The following HABP2 variants were observed in gnomAD, a reference collection of about 807,000 sequenced individuals.
The protein encoded by HABP2 is hyaluronan binding protein 2.
A neutral mutation model predicts 66.5 loss-of-function variants in HABP2; 65 were observed. The observed-to-expected ratio is 0.98, with a 90% CI of 0.80 to 1.20. The LOEUF (loss-of-function observed/expected upper bound fraction) is 1.20. HABP2 is among the 50% of genes most tolerant of loss of function. The pLI, the probability that HABP2 is intolerant of heterozygous loss-of-function variation, is 0.00. For missense variants in HABP2, 786 were observed against 691.0 expected, an observed-to-expected ratio of 1.14 and a Z score of -1.54; for synonymous variants, 263 against 253.9, an observed-to-expected ratio of 1.04 and a Z score of -0.34.
intron 2 of HABP2, among the ~76,000 whole-genome samples, chr10:113,571,620 AT>A (rs1301846728): frequency 6.6e-6 from 1 of 152,158 alleles, no homozygotes. Flanking sequence ...GGGGTGGAGA[AT>A]CAAGGGCTAT....
At position 113,580,683 on chromosome 10, in the gene HABP2, T is replaced by A. The variant is rs778647130; in HGVS notation, c.829T>A (p.Ser277Thr). 5.1e-6 allele frequency: 8 copies of A among 1,561,478 alleles called. No individual in the cohort carries two copies. The South Asian group carries it at 7.8e-5, about 15-fold the overall frequency. ...GGAATACTGTGATGTCTCAGCCTGC[T>A]CAGCCCAGGGTAAAGGCCATGGCTG... is the stretch of plus-strand genomic sequence containing the variant. ...KWEYCDVSAC[S>T]AQDVAYPEES... The change falls in exon 8 of 13, where the codon TCA becomes ACA. Residue 277 changes from serine to threonine, a missense_variant. Transcript: ENST00000351270.
rs777792722 is a variant in HABP2 at position 113,581,909 on chromosome 10, C to T, written c.872C>T (p.Pro291Leu). The change falls in exon 9 of 13, where the codon CCA (proline) becomes CTA (leucine). Residue 291 changes from proline to leucine, a missense_variant. Physicochemically the swap from Pro to Leu is moderately conservative, Grantham distance 98. Coordinates refer to ENST00000351270, the MANE Select transcript of HABP2 (RefSeq NM_004132.5). ...VAYPEESPTE[P>L]STKLPGFDSC... ...TACCCAGAGGAAAGCCCCACTGAGC[C>T]ATCAACCAAGCTTCCGGGGTTTGAC... The T allele has an allele frequency of 6.2e-6, 10 of 1,613,994 alleles. No homozygotes were observed. Among genetic ancestry groups the T allele is most frequent in the African/African-American group, 4.0e-5 (3 of 74,944 alleles).
At chr10:113,572,931 C>T (rs113118728) in intron 2 of HABP2, among the ~76,000 whole-genome samples, 7 of 152,140 alleles carry the variant, frequency 4.6e-5, no homozygotes, top group Non-Finnish European at 1.0e-4. Flanking sequence ...GTGCAAAAGT[C>T]GATTTTTCAA....
In HABP2 at chr10:113,583,355, AT is replaced by A; in HGVS notation, c.1236del (p.Ile412MetfsTer6). 1.2e-6 allele frequency: 2 copies of A among 1,612,594 alleles called. No individual in the cohort carries two copies. Among genetic ancestry groups the A allele is most frequent in the Non-Finnish European group, 1.7e-6 (2 of 1,178,600 alleles). On this transcript the variant is annotated frameshift_variant and splice_region_variant, in exon 10 of 13. Coordinates refer to ENST00000351270, the MANE Select transcript of HABP2 (RefSeq NM_004132.5). LOFTEE classifies it high-confidence loss of function. ...AAGAGATGAGATTCCCCACAATGAT[AT>A]TGGCAAGTTCCTCTTTCATGGCTTT... ...NERDEIPHND[I>X]ALLKLKPVDG...
rs570668720 is a variant in HABP2, at chr10:113,580,761, G to A, written c.838+69G>A. Reference sequence around the variant, plus strand: ...GGAGATTTGTAGGGAGATGTCCCTGGCACCTGGTCCCTCCCTCACCCTGTT... The same window carrying A: ...GGAGATTTGTAGGGAGATGTCCCTGACACCTGGTCCCTCCCTCACCCTGTT... On this transcript the variant is annotated intron_variant, in intron 8 of 12. Coordinates refer to ENST00000351270, the MANE Select transcript of HABP2 (RefSeq NM_004132.5). 1.4e-4 allele frequency: 117 copies of A among 812,936 alleles called. No homozygotes were observed. In the African/African-American group the frequency reaches 1.8e-3, roughly 13 times the overall value. The allele number at this position is 812,936 out of a possible 1,614,324, so 50.4% of individuals were successfully genotyped here. A position where few individuals can be genotyped will look rare whatever the true frequency, so the allele number is the denominator to read the frequency against.
intron 1 of HABP2, among the ~76,000 whole-genome samples, chr10:113,558,863 T>A (rs1233351255): frequency 1.3e-5 from 2 of 152,152 alleles, no homozygotes; most frequent in East Asian, 3.9e-4. Flanking sequence ...TCTTAATTTT[T>A]TTTTTTTCTT....
chr10:113,583,508 T>C, intron 10 of HABP2, 150 bp downstream of exon 10: 1 of 703,272 alleles, frequency 1.4e-6, no homozygotes, highest in East Asian at 2.7e-5. Context: ...CCAGGGATTT[T>C]TAGTTTTTGA....
At position 113,567,439 on chromosome 10, in the gene HABP2, C is replaced by T. The variant is rs369310192; in HGVS notation, c.70-50C>T. ...CTGGCTGACAGCTAAGGAGCACGCCCGGCAGAGCTCCATCTCAACGCTGAT... is the reference window on the plus strand; with the variant it reads ...CTGGCTGACAGCTAAGGAGCACGCCTGGCAGAGCTCCATCTCAACGCTGAT... On this transcript the variant is annotated intron_variant, in intron 1 of 12. Coordinates refer to ENST00000351270, the MANE Select transcript of HABP2 (RefSeq NM_004132.5). 50 of 1,476,824 alleles carry T rather than the reference C, an allele frequency of 3.4e-5. 1 individual carries two copies. The South Asian group carries it at 3.4e-4, about 10-fold the overall frequency. 91.5% of individuals were successfully genotyped at this position (1,476,824 alleles called of 1,614,324 possible).
At chr10:113,568,996 T>C (rs1479661024) in intron 2 of HABP2, among the ~76,000 whole-genome samples, 1 of 151,942 alleles carries the variant, frequency 6.6e-6, no homozygotes, top group Non-Finnish European at 1.5e-5. Flanking sequence ...GGGAGTGGAG[T>C]TAGCCAATGT....
chr10:113,575,524 C>T (rs887285899), intron 3 of HABP2, among the ~76,000 whole-genome samples: 5 of 152,092 alleles, frequency 3.3e-5, no homozygotes, highest in Non-Finnish European at 5.9e-5. Flanking sequence ...GGTCTTCAGG[C>T]TTGTGAAATA....
At chr10:113,580,996 A>G (rs957024613) in intron 8 of HABP2, among the ~76,000 whole-genome samples, 5 of 152,200 alleles carry the variant, frequency 3.3e-5, no homozygotes, top group African/African-American at 1.2e-4. Flanking sequence ...TATGCTGGGC[A>G]CTGGGTGTGC....
chr10:113,575,328 A>G (rs1329688650), intron 3 of HABP2, among the ~76,000 whole-genome samples: 1 of 152,204 alleles, frequency 6.6e-6, no homozygotes, highest in Non-Finnish European at 1.5e-5. Context: ...ATATGACAAA[A>G]TCTAACTGAA....
intron 2 of HABP2, chr10:113,572,579 G>A (rs1309583847): frequency 5.2e-6 from 2 of 383,422 alleles, no homozygotes; most frequent in Non-Finnish European, 1.0e-5. Context: ...CTAAATGTCA[G>A]TTTGAAATCT....
chr10:113,580,592 T>G lies in HABP2; in HGVS notation c.741-3T>G. On this transcript the variant is annotated splice_region_variant and splice_polypyrimidine_tract_variant and intron_variant, in intron 7 of 12. Transcript: ENST00000351270. ...CTCTGAGTTGTTTTGTTTTGTATTT[T>G]AGAAACCCAGATGCGGACGAAAAGC... 1 of 1,507,914 alleles carries G rather than the reference T, an allele frequency of 6.6e-7. No individual in the cohort carries two copies. The highest frequency in any genetic ancestry group is 9.2e-7 in the Non-Finnish European group (1 of 1,083,026). The allele number at this position is 1,507,914 out of a possible 1,614,324, so 93.4% of individuals were successfully genotyped here.
At chr10:113,557,847 T>G (rs1195759242) in intron 1 of HABP2, among the ~76,000 whole-genome samples, 1 of 152,274 alleles carries the variant, frequency 6.6e-6, no homozygotes, top group African/African-American at 2.4e-5. Context: ...CATTTAAGCT[T>G]CTCTCAAACC....
At position 113,588,376 on chromosome 10, in the gene HABP2, G is replaced by C. The variant is rs765927856; in HGVS notation, c.*7G>C. 17 of 1,607,078 alleles carry C rather than the reference G, an allele frequency of 1.1e-5. No individual in the cohort carries two copies. The highest frequency in any genetic ancestry group is 1.7e-6 in the Non-Finnish European group (2 of 1,176,254). ...AAGTGAAAGTGGCTTCTAAGGTACT[G>C]TCTTCTGGACCTCAGAGCCCACTCT... On this transcript the variant is annotated 3_prime_UTR_variant, in exon 13 of 13. Coordinates refer to ENST00000351270, the MANE Select transcript of HABP2 (RefSeq NM_004132.5).
chr10:113,588,985 A>G lies in HABP2; in HGVS notation c.*616A>G. On this transcript the variant is annotated 3_prime_UTR_variant, in exon 13 of 13. Coordinates refer to ENST00000351270, the MANE Select transcript of HABP2 (RefSeq NM_004132.5). ...CAGGGTGGACATGGCTCACAACAGC[A>G]GGGCCTTCTTCTTTTTGACGTGCAG... The G allele has an allele frequency of 3.7e-6, 6 of 1,613,094 alleles. No individual in the cohort carries two copies. The highest frequency in any genetic ancestry group is 5.1e-6 in the Non-Finnish European group (6 of 1,179,206).
chr10:113,560,212 C>A (rs556656724), intron 1 of HABP2, among the ~76,000 whole-genome samples: 3 of 152,228 alleles, frequency 2.0e-5, no homozygotes, highest in African/African-American at 4.8e-5. Flanking sequence ...CTGCAGTGAA[C>A]CTGCCAGTCT....
At position 113,581,857 on chromosome 10, in the gene HABP2, T is replaced by C. The variant is rs1343627575; in HGVS notation, c.839-19T>C. 1 of 1,613,426 alleles carries C rather than the reference T, an allele frequency of 6.2e-7. No individual in the cohort carries two copies. The highest frequency in any genetic ancestry group is 1.1e-5 in the South Asian group (1 of 91,002). ...GAGGGAGGCTGAATAGCACAATTTA[T>C]CTTTCTTGTGTCCCACAGACGTTGC... On this transcript the variant is annotated intron_variant, in intron 8 of 12. Coordinates refer to ENST00000351270, the MANE Select transcript of HABP2 (RefSeq NM_004132.5).
Sources: allele counts gnomAD v4.1 joint callset (sites outside exome capture counted in the v4.1 genomes callset), GRCh38; gene constraint gnomAD v4.1.1; transcripts MANE v1.5; gene names NCBI Gene and HGNC (gene_info 2026-07-23, HGNC 2026-07-21).